Variants in PIBF1 observed in about 807,000 individuals in gnomAD.
PIBF1 encodes the protein progesterone immunomodulatory binding factor 1, also known as progesterone-induced-blocking factor 1.
A neutral mutation model predicts 112.5 loss-of-function variants in PIBF1; 90 were observed. The ratio of observed to expected loss-of-function variants is 0.80; its 90% CI spans 0.67 to 0.95. The LOEUF (loss-of-function observed/expected upper bound fraction) is 0.95, where lower values mean the gene tolerates loss of function less well. Ranked by LOEUF, PIBF1 falls within the 40% of genes least tolerant of loss-of-function variation. The probability of loss-of-function intolerance (pLI) is 0.00; values close to 1 mark genes in which losing one functional copy is unlikely to be tolerated. For missense variants in PIBF1, 915 were observed against 852.3 expected (o/e 1.07, Z -0.92); for synonymous variants, 301 against 288.6 (o/e 1.04, Z -0.44).
At chr13:72,835,501 T>G in intron 9 of PIBF1, 133 bp downstream of exon 9, 1 of 602,882 alleles carries the variant, frequency 1.7e-6, no homozygotes, top group Non-Finnish European at 2.7e-6. Context: ...TAAATTGAAA[T>G]CTAAGTATAA....
chr13:72,919,244 A>T (rs553212200), intron 13 of PIBF1, among the ~76,000 whole-genome samples: 1 of 152,330 alleles, frequency 6.6e-6, no homozygotes, highest in East Asian at 1.9e-4. Flanking sequence ...AAATAAAGTG[A>T]TGTAGAATAT....
chr13:72,953,784 C>A (rs1388023043), intron 14 of PIBF1, among the ~76,000 whole-genome samples: 1 of 152,084 alleles, frequency 6.6e-6, no homozygotes, highest in African/African-American at 2.4e-5. Flanking sequence ...TGGCTACCAG[C>A]CAGGAGGTGG....
intron 8 of PIBF1, among the ~76,000 whole-genome samples, chr13:72,834,751 A>G (rs530515945): frequency 1.2e-4 from 18 of 152,336 alleles, no homozygotes; most frequent in Middle Eastern, 3.4e-3. Context: ...TTCATACCCT[A>G]TATAATACTT....
intron 10 of PIBF1, among the ~76,000 whole-genome samples, chr13:72,862,024 T>G (rs1012263005): frequency 6.6e-6 from 1 of 151,940 alleles, no homozygotes; most frequent in African/African-American, 2.4e-5. Context: ...TGAAAACAGT[T>G]AGAGAAAAAG....
At chr13:72,853,934 G>A in intron 9 of PIBF1, 123 bp from the exon 10 acceptor site, 1 of 694,944 alleles carries the variant, frequency 1.4e-6, no homozygotes, top group Admixed American at 2.4e-5. Context: ...GGTTTATATA[G>A]TGTACACTTT....
intron 17 of PIBF1, among the ~76,000 whole-genome samples, chr13:73,013,320 A>G (rs1314215507): frequency 1.3e-4 from 16 of 125,134 alleles, no homozygotes; most frequent in East Asian, 4.8e-4. Flanking sequence ...AAAAAAAAAA[A>G]AAAAAAGAAA....
intron 13 of PIBF1, among the ~76,000 whole-genome samples, chr13:72,926,632 C>T (rs1026463141): frequency 1.3e-5 from 2 of 152,162 alleles, no homozygotes; most frequent in Admixed American, 1.3e-4. Flanking sequence ...CATAAAATAT[C>T]TCTGCCTATA....
Position 72,850,144 on chromosome 13 carries a change from G to A in PIBF1, c.1224-3913G>A, listed in dbSNP as rs1276396426. ...TTGTGGACTGGATATGGAAGGTGTG[G>A]TACTTGATAAGGAGATTGGGTTTAC... On this transcript the variant is annotated intron_variant, in intron 9 of 17. Transcript: ENST00000326291. 2.6e-5 allele frequency among the ~76,000 whole-genome samples: 4 copies of A among 152,324 alleles called. 1 individual carries two copies. In the South Asian group the frequency reaches 8.3e-4, roughly 32 times the overall value.
intron 9 of PIBF1, among the ~76,000 whole-genome samples, chr13:72,845,989 G>A (rs2037857582): frequency 6.6e-6 from 1 of 151,898 alleles, no homozygotes; most frequent in Non-Finnish European, 1.5e-5. Context: ...CCTACTCCTG[G>A]GAACACAATC....
At chr13:72,844,779 A>ACG (rs1171804539) in intron 9 of PIBF1, among the ~76,000 whole-genome samples, 6 of 118,136 alleles carry the variant, frequency 5.1e-5, no homozygotes, top group African/African-American at 1.6e-4. Flanking sequence ...ACACACACAC[A>ACG]CACACACACA....
intron 14 of PIBF1, among the ~76,000 whole-genome samples, chr13:72,931,612 C>T (rs2041698734): frequency 6.6e-6 from 1 of 151,198 alleles, no homozygotes; most frequent in Admixed American, 6.6e-5. Context: ...GTTTTTACCT[C>T]TGTGTTTAAT....
intron 5 of PIBF1, among the ~76,000 whole-genome samples, chr13:72,816,722 A>G (rs1286604683): frequency 2.0e-5 from 3 of 150,188 alleles, no homozygotes; most frequent in Non-Finnish European, 4.4e-5. Flanking sequence ...TTAAGTTTTT[A>G]TTTGAATTCA....
intron 5 of PIBF1, among the ~76,000 whole-genome samples, chr13:72,812,756 C>G (rs2138070366): frequency 6.6e-6 from 1 of 151,602 alleles, no homozygotes; most frequent in African/African-American, 2.4e-5. Flanking sequence ...GCCTGGAAGA[C>G]AGAATGAGAC....
chr13:72,873,487 C>G (rs1416340529), intron 10 of PIBF1, among the ~76,000 whole-genome samples: 1 of 152,076 alleles, frequency 6.6e-6, no homozygotes. Flanking sequence ...ACTGCAACCT[C>G]CACCTCCCCA....
intron 16 of PIBF1, among the ~76,000 whole-genome samples, chr13:72,988,015 A>T (rs1212221669): frequency 6.6e-6 from 1 of 150,874 alleles, no homozygotes; most frequent in Non-Finnish European, 1.5e-5. Context: ...GGCGCATGCC[A>T]CCAGGCCCGG....
intron 16 of PIBF1, among the ~76,000 whole-genome samples, chr13:72,995,250 G>A (rs564145602): frequency 7.6e-4 from 112 of 147,420 alleles, no homozygotes; most frequent in African/African-American, 2.5e-3. Flanking sequence ...GCAGTGAGCC[G>A]AGATCACACC....
At chr13:72,931,592 G>A (rs2041698090) in intron 14 of PIBF1, among the ~76,000 whole-genome samples, 1 of 151,632 alleles carries the variant, frequency 6.6e-6, no homozygotes, top group Admixed American at 6.6e-5. Flanking sequence ...TCATTTTTAA[G>A]ATAGATTTGG....
At chr13:73,000,854 T>G (rs2043840781) in intron 17 of PIBF1, among the ~76,000 whole-genome samples, 1 of 152,196 alleles carries the variant, frequency 6.6e-6, no homozygotes, top group South Asian at 2.1e-4. Context: ...CCAGATAAGG[T>G]TATGCAGTGA....
At chr13:72,954,686 T>C (rs1288661002) in intron 14 of PIBF1, among the ~76,000 whole-genome samples, 2 of 152,332 alleles carry the variant, frequency 1.3e-5, no homozygotes, top group African/African-American at 4.8e-5. Context: ...TGGCTGAGTC[T>C]CCCCATCTTA....
Sources: allele counts gnomAD v4.1 joint callset (sites outside exome capture counted in the v4.1 genomes callset), GRCh38; gene constraint gnomAD v4.1.1; transcripts MANE v1.5; gene names NCBI Gene and HGNC (gene_info 2026-07-23, HGNC 2026-07-21).